The following MYO1D variants were observed in gnomAD, a reference collection of about 807,000 sequenced individuals.
The protein encoded by MYO1D is myosin ID, also known as unconventional myosin-Id.
In MYO1D, 83 loss-of-function variants were observed where a neutral mutation model predicts 122.0. That is an observed-to-expected ratio of 0.68 (90% confidence interval 0.57 to 0.82). The LOEUF is 0.82. Ranked by LOEUF, MYO1D falls within the 40% of genes least tolerant of loss-of-function variation. The pLI, the probability that MYO1D is intolerant of heterozygous loss-of-function variation, is 0.00. For synonymous variants in MYO1D, 464 were observed against 446.9 expected, an observed-to-expected ratio of 1.04 and a Z score of -0.48; for missense variants, 1,157 against 1,269.5, an observed-to-expected ratio of 0.91 and a Z score of 1.35.
At chr17:32,756,970 T>A (rs2089953213) in intron 10 of MYO1D, among the ~76,000 whole-genome samples, 2 of 152,134 alleles carry the variant, frequency 1.3e-5, no homozygotes, top group Admixed American at 1.3e-4. Context: ...AAGCTGCACA[T>A]CTCAAAGAGG....
At chr17:32,748,842 A>C in intron 12 of MYO1D, 94 bp downstream of exon 12, 1 of 1,168,170 alleles carries the variant, frequency 8.6e-7, no homozygotes, top group South Asian at 1.3e-5. Flanking sequence ...AAAACATGCA[A>C]ATGAATATAA....
intron 21 of MYO1D, among the ~76,000 whole-genome samples, chr17:32,503,069 A>G (rs549056984): frequency 7.6e-4 from 116 of 152,308 alleles, no homozygotes; most frequent in African/African-American, 2.6e-3. Context: ...TTCATTTTTC[A>G]TTTAGACTCT....
intron 21 of MYO1D, among the ~76,000 whole-genome samples, chr17:32,577,182 C>T (rs1475136528): frequency 6.9e-6 from 1 of 144,762 alleles, no homozygotes; most frequent in South Asian, 2.2e-4. Context: ...ACCCGGGAGG[C>T]GGAGCTTGCA....
chr17:32,592,911 G>A (rs144941308), intron 21 of MYO1D, among the ~76,000 whole-genome samples: 139 of 152,206 alleles, frequency 9.1e-4, no homozygotes, highest in African/African-American at 3.1e-3. Context: ...GCCCAGTACC[G>A]TATCACTTCC....
At chr17:32,648,953 C>A (rs1036127051) in intron 19 of MYO1D, among the ~76,000 whole-genome samples, 12 of 151,756 alleles carry the variant, frequency 7.9e-5, no homozygotes, top group African/African-American at 2.9e-4. Flanking sequence ...TTTTGTATTG[C>A]CATTTTAGTG....
chr17:32,858,756 TACTA>T (rs1373364361), intron 1 of MYO1D, among the ~76,000 whole-genome samples: 1 of 152,236 alleles, frequency 6.6e-6, no homozygotes, highest in Non-Finnish European at 1.5e-5. Flanking sequence ...TGTAGGGAGA[TACTA>T]AGTAAATATC....
At chr17:32,772,768 T>C (rs771625411) in intron 5 of MYO1D, 21 bp downstream of exon 5, 6 of 1,582,812 alleles carry the variant, frequency 3.8e-6, no homozygotes, top group Admixed American at 3.3e-5. Flanking sequence ...TGATCAATTA[T>C]CTGTATAATG....
intron 16 of MYO1D, among the ~76,000 whole-genome samples, chr17:32,701,831 T>C (rs1352481309): frequency 6.6e-6 from 1 of 152,216 alleles, no homozygotes; most frequent in Non-Finnish European, 1.5e-5. Flanking sequence ...CTTCCCAAAG[T>C]GCTAGGATTA....
At chr17:32,583,683 A>G (rs1232445815) in intron 21 of MYO1D, among the ~76,000 whole-genome samples, 1 of 151,726 alleles carries the variant, frequency 6.6e-6, no homozygotes, top group Non-Finnish European at 1.5e-5. Context: ...GTAGTTTAAT[A>G]TCAGACATCA....
chr17:32,736,405 A>C (rs2151001512), intron 14 of MYO1D, among the ~76,000 whole-genome samples: 1 of 152,358 alleles, frequency 6.6e-6, no homozygotes, highest in African/African-American at 2.4e-5. Flanking sequence ...CTCTTTAAAA[A>C]GGAGGAAGTT....
chr17:32,831,081 T>A (rs1357684585), intron 1 of MYO1D, among the ~76,000 whole-genome samples: 1 of 151,818 alleles, frequency 6.6e-6, no homozygotes, highest in East Asian at 1.9e-4. Context: ...CTGACATGAG[T>A]GCAAAAAGCA....
chr17:32,822,941 C>G (rs931928294), intron 1 of MYO1D, among the ~76,000 whole-genome samples: 3 of 152,194 alleles, frequency 2.0e-5, no homozygotes, highest in Admixed American at 2.0e-4. Context: ...TGTAACAAAC[C>G]TGCACGTTGT....
chr17:32,572,122 A>G (rs1221099134), intron 21 of MYO1D, among the ~76,000 whole-genome samples: 2 of 147,020 alleles, frequency 1.4e-5, no homozygotes, highest in African/African-American at 5.3e-5. Context: ...ACATTAAATA[A>G]TATATGTATC....
chr17:32,715,431 C>T lies in MYO1D; in HGVS notation c.1914-3236G>A, dbSNP rs184899242. The stretch of plus-strand genomic sequence containing the variant: ...AATTACAGTTAATTACTTCCTTCTT[C>T]TTGACATATCTCTTTTCTTAGATTC... On this transcript the variant is annotated intron_variant, in intron 15 of 21. Transcript: ENST00000318217. Among the ~76,000 whole-genome samples the T allele has an allele frequency of 3.3e-5, 5 of 152,114 alleles. No homozygotes were observed. The East Asian group carries it at 7.7e-4, about 23-fold the overall frequency.
intron 21 of MYO1D, among the ~76,000 whole-genome samples, chr17:32,563,851 A>G (rs1450406738): frequency 6.6e-6 from 1 of 152,212 alleles, no homozygotes; most frequent in African/African-American, 2.4e-5. Flanking sequence ...ATAAGCTATT[A>G]AAACATTTGA....
intron 20 of MYO1D, among the ~76,000 whole-genome samples, chr17:32,606,233 T>C (rs191202225): frequency 2.6e-4 from 39 of 152,302 alleles, no homozygotes; most frequent in Admixed American, 7.8e-4. Flanking sequence ...AAAAGAAAAT[T>C]CTAGTCCCAG....
chr17:32,737,856 A>G (rs1178787539), intron 14 of MYO1D, among the ~76,000 whole-genome samples: 1 of 152,234 alleles, frequency 6.6e-6, no homozygotes, highest in African/African-American at 2.4e-5. Flanking sequence ...GCCACTTTGT[A>G]CTCAAACACA....
chr17:32,537,315 T>C (rs902995881), intron 21 of MYO1D, among the ~76,000 whole-genome samples: 10 of 152,300 alleles, frequency 6.6e-5, no homozygotes, highest in African/African-American at 2.4e-4. Context: ...TTTTTGTAAA[T>C]AAAGTTTTAC....
At chr17:32,657,788 A>G (rs928998858) in intron 17 of MYO1D, among the ~76,000 whole-genome samples, 2 of 152,232 alleles carry the variant, frequency 1.3e-5, no homozygotes, top group African/African-American at 4.8e-5. Context: ...GTACAAAACA[A>G]TCAATTCTAG....
Sources: allele counts gnomAD v4.1 joint callset (sites outside exome capture counted in the v4.1 genomes callset), GRCh38; gene constraint gnomAD v4.1.1; transcripts MANE v1.5; gene names NCBI Gene and HGNC (gene_info 2026-07-23, HGNC 2026-07-21).